Variants in C12orf42 observed in about 807,000 individuals in gnomAD.
C12orf42 encodes uncharacterized protein C12orf42.
C12orf42 carries 25 observed loss-of-function variants against 21.6 expected under a neutral mutation model. That is an observed-to-expected ratio of 1.16 (90% CI 0.84 to 1.62). The LOEUF (loss-of-function observed/expected upper bound fraction) is 1.62, where lower values mean the gene tolerates loss of function less well. Ranked by LOEUF, C12orf42 falls within the 40% of genes most tolerant of loss-of-function variation. C12orf42 has a pLI of 0.00. For synonymous variants in C12orf42, 174 were observed against 175.0 expected (o/e 0.99, Z 0.05); for missense variants, 483 against 459.3 (o/e 1.05, Z -0.47).
intron 4 of C12orf42, among the ~76,000 whole-genome samples, chr12:103,317,085 T>C (rs1158478024): frequency 6.6e-6 from 1 of 152,142 alleles, no homozygotes; most frequent in Non-Finnish European, 1.5e-5. Context: ...GCCCCAAAAT[T>C]GGTTGTGGCA....
the C12orf42 span, among the ~76,000 whole-genome samples, chr12:103,076,229 T>A: frequency 6.6e-6 from 1 of 151,532 alleles, no homozygotes; most frequent in Non-Finnish European, 1.5e-5. Context: ...ACTTAAAGTA[T>A]AATGATAATA....
At chr12:103,506,917 T>A in the C12orf42 span, among the ~76,000 whole-genome samples, 9 of 10,036 alleles carry the variant, frequency 9.0e-4, no homozygotes, top group Admixed American at 1.4e-3. Flanking sequence ...ATATATATAT[T>A]TATATATTAT....
chr12:103,273,189 C>G (rs1331019552), intron 5 of C12orf42, among the ~76,000 whole-genome samples: 17 of 152,112 alleles, frequency 1.1e-4, no homozygotes, highest in Admixed American at 1.1e-3. Context: ...TATTTTCAGC[C>G]TAGATTCACC....
chr12:103,215,433 C>T, the C12orf42 span, among the ~76,000 whole-genome samples: 4 of 151,180 alleles, frequency 2.6e-5, no homozygotes, highest in South Asian at 6.3e-4. Flanking sequence ...TTGAGTATCC[C>T]TCCTGGCCTC....
chr12:103,080,430 G>A, the C12orf42 span, among the ~76,000 whole-genome samples: 1 of 152,120 alleles, frequency 6.6e-6, no homozygotes, highest in African/African-American at 2.4e-5. Context: ...AACTTCTGTT[G>A]CTTACATCTA....
chr12:103,067,898 G>C, the C12orf42 span, among the ~76,000 whole-genome samples: 1 of 152,180 alleles, frequency 6.6e-6, no homozygotes, highest in Non-Finnish European at 1.5e-5. Flanking sequence ...GCAAGGAAAA[G>C]AATGCATGGA....
chr12:103,440,356 T>C (rs1004611581), intron 2 of C12orf42, among the ~76,000 whole-genome samples: 16 of 141,994 alleles, frequency 1.1e-4, no homozygotes, highest in Admixed American at 7.3e-5. Flanking sequence ...CATGTATACA[T>C]ATGTAACTAA....
intron 1 of C12orf42, among the ~76,000 whole-genome samples, chr12:103,481,622 G>A (rs994929270): frequency 4.0e-5 from 6 of 148,876 alleles, no homozygotes; most frequent in Non-Finnish European, 8.9e-5. Context: ...GGTTTGGGGT[G>A]TGTTTTCTAA....
chr12:103,527,112 T>C, the C12orf42 span, among the ~76,000 whole-genome samples: 20 of 152,012 alleles, frequency 1.3e-4, no homozygotes, highest in African/African-American at 4.6e-4. Flanking sequence ...TTGGTATACA[T>C]TGTAATTTGG....
At chr12:103,241,634 G>A (rs953626760) in intron 10 of C12orf42, among the ~76,000 whole-genome samples, 16 of 152,046 alleles carry the variant, frequency 1.1e-4, no homozygotes, top group African/African-American at 3.6e-4. Context: ...TAAAATAAGA[G>A]GGTTGGACTA....
chr12:103,383,736 G>A (rs575352308), intron 3 of C12orf42, among the ~76,000 whole-genome samples: 57 of 152,248 alleles, frequency 3.7e-4, no homozygotes, highest in African/African-American at 1.3e-3. Context: ...ACAGAAGTTC[G>A]CCTATACTTA....
At chr12:103,505,385 T>A in the C12orf42 span, 1 of 326,970 alleles carries the variant, frequency 3.1e-6, no homozygotes. Flanking sequence ...AGGCTGCACG[T>A]CTGACCCCAT....
At chr12:103,166,008 C>G in the C12orf42 span, among the ~76,000 whole-genome samples, 2 of 151,558 alleles carry the variant, frequency 1.3e-5, no homozygotes, top group Admixed American at 1.3e-4. Flanking sequence ...CCACTGCACT[C>G]CAGCCTGGGT....
rs1255621274 is a variant in C12orf42 at position 103,367,101 on chromosome 12, A to C, written c.259+1786T>G. Among the ~76,000 whole-genome samples the C allele has an allele frequency of 3.9e-5, 6 of 152,016 alleles. No homozygotes were observed. In the East Asian group the frequency reaches 1.2e-3, roughly 29 times the overall value. ...TAAACCGTGATATATATATGATGGAATACTACTCAGCCATAAAAAGGAATG... is the reference window on the plus strand; with the variant it reads ...TAAACCGTGATATATATATGATGGACTACTACTCAGCCATAAAAAGGAATG... On this transcript the variant is annotated intron_variant, in intron 4 of 5. Transcript: ENST00000548883.
chr12:103,474,458 G>GTATGTA (rs763707889), intron 2 of C12orf42, among the ~76,000 whole-genome samples: 4 of 62,848 alleles, frequency 6.4e-5, no homozygotes, highest in Admixed American at 4.2e-4. Context: ...GTATGTATGT[G>GTATGTA]TGTGTGTGTG....
At chr12:103,091,690 T>C in the C12orf42 span, among the ~76,000 whole-genome samples, 1 of 152,204 alleles carries the variant, frequency 6.6e-6, no homozygotes, top group Non-Finnish European at 1.5e-5. Context: ...TTACCTAGTT[T>C]AGAGATCTGT....
chr12:103,218,246 C>T, the C12orf42 span, among the ~76,000 whole-genome samples: 1 of 150,612 alleles, frequency 6.6e-6, no homozygotes, highest in Non-Finnish European at 1.5e-5. Context: ...CACCAATGAA[C>T]TCCAGCCTGG....
intron 4 of C12orf42, among the ~76,000 whole-genome samples, chr12:103,332,583 C>T (rs2041335630): frequency 6.6e-6 from 1 of 152,208 alleles, no homozygotes; most frequent in Admixed American, 6.5e-5. Flanking sequence ...ATGAGCTTGT[C>T]TATCTCCAGA....
At chr12:103,470,535 C>T (rs1418708254) in intron 2 of C12orf42, among the ~76,000 whole-genome samples, 1 of 152,270 alleles carries the variant, frequency 6.6e-6, no homozygotes, top group Non-Finnish European at 1.5e-5. Context: ...TTTTTACATG[C>T]AATTCTCAAT....
Sources: gnomAD v4.1 joint callset for allele counts (sites outside exome capture counted in the v4.1 genomes callset) on GRCh38, gnomAD v4.1.1 for gene constraint, MANE v1.5 for transcripts, NCBI Gene and HGNC (gene_info 2026-07-23, HGNC 2026-07-21) for gene names.